SGK3: variants seen among roughly 807,000 people sequenced by gnomAD.
The protein encoded by SGK3 is serum/glucocorticoid regulated kinase family member 3.
A neutral mutation model predicts 68.5 loss-of-function variants in SGK3; 47 were observed. The ratio of observed to expected loss-of-function variants is 0.69; its 90% CI spans 0.54 to 0.87. The LOEUF (loss-of-function observed/expected upper bound fraction) is 0.87. Among genes scored for constraint, SGK3 ranks in the 40% least tolerant of loss-of-function variants. The pLI is 0.00. For missense variants in SGK3, 479 were observed against 575.5 expected (o/e 0.83, Z 1.72); for synonymous variants, 181 against 189.1 (o/e 0.96, Z 0.35).
At chr8:66,799,731 C>T (rs1304965969) in intron 3 of SGK3, among the ~76,000 whole-genome samples, 2 of 152,206 alleles carry the variant, frequency 1.3e-5, no homozygotes, top group East Asian at 1.9e-4. Context: ...AAGTGATTCT[C>T]GTGCCTCAGT....
chr8:66,823,539 A>G (rs1808932957), intron 6 of SGK3, among the ~76,000 whole-genome samples: 1 of 152,070 alleles, frequency 6.6e-6, no homozygotes, highest in Non-Finnish European at 1.5e-5. Flanking sequence ...CTGGGGCTAC[A>G]GGTGCCTGCC....
At chr8:66,832,182 G>A (rs1809329885) in intron 8 of SGK3, among the ~76,000 whole-genome samples, 1 of 152,094 alleles carries the variant, frequency 6.6e-6, no homozygotes, top group Non-Finnish European at 1.5e-5. Flanking sequence ...TTCTTATGGT[G>A]TCAGATGAAT....
intron 10 of SGK3, among the ~76,000 whole-genome samples, chr8:66,836,556 A>G (rs1809540546): frequency 6.6e-6 from 1 of 151,670 alleles, no homozygotes; most frequent in Non-Finnish European, 1.5e-5. Context: ...CAGAAGGATC[A>G]CTTGAGTCCA....
At chr8:66,838,440 G>T (rs1036179472) in intron 10 of SGK3, among the ~76,000 whole-genome samples, 1 of 152,156 alleles carries the variant, frequency 6.6e-6, no homozygotes, top group Non-Finnish European at 1.5e-5. Flanking sequence ...CGGTGTTCTA[G>T]TAAGTGTCAG....
intron 1 of SGK3, among the ~76,000 whole-genome samples, chr8:66,716,715 C>T (rs904572888): frequency 1.3e-5 from 2 of 152,134 alleles, no homozygotes; most frequent in Admixed American, 1.3e-4. Flanking sequence ...TGCAGTGCAG[C>T]TGTGCTTCTC....
Position 66,757,220 on chromosome 8 carries a change from C to T in SGK3, c.-121-36396C>T, listed in dbSNP as rs183911797. ...GATCATGGCTCACTGCAGCTTCAAC[C>T]TCCTTGGCTCAAGTGATCCTCCTCC... On this transcript the variant is annotated intron_variant, in intron 1 of 16. Coordinates refer to ENST00000521198, the MANE Select transcript of SGK3 (RefSeq NM_001033578.3). Among the ~76,000 whole-genome samples, 4 of 151,548 alleles carry T rather than the reference C, an allele frequency of 2.6e-5. No individual in the cohort carries two copies. The East Asian group carries it at 7.8e-4, about 30-fold the overall frequency.
chr8:66,735,613 A>G (rs1381184378), intron 1 of SGK3, among the ~76,000 whole-genome samples: 1 of 151,334 alleles, frequency 6.6e-6, no homozygotes, highest in Non-Finnish European at 1.5e-5. Flanking sequence ...TTTTTAATAG[A>G]CAGTATTAAA....
At chr8:66,829,225 T>G (rs533128443) in intron 7 of SGK3, among the ~76,000 whole-genome samples, 3 of 152,202 alleles carry the variant, frequency 2.0e-5, no homozygotes, top group Admixed American at 6.5e-5. Context: ...GCTAATTGAT[T>G]AGTAATGTCT....
In SGK3 at chr8:66,843,200, G is replaced by A. The variant is rs151008168; in HGVS notation, c.979-252G>A. 2.1e-4 allele frequency among the ~76,000 whole-genome samples: 32 copies of A among 152,230 alleles called. No homozygotes were observed. The East Asian group carries it at 3.5e-3, about 17-fold the overall frequency. ...TGGGAATTATAGATTCTACCTTCGC[G>A]ATACTCTTATTTATTTTAACTGTAT... On this transcript the variant is annotated intron_variant, in intron 13 of 16. Coordinates refer to ENST00000521198, the MANE Select transcript of SGK3 (RefSeq NM_001033578.3).
chr8:66,726,982 G>A (rs1236905869), intron 1 of SGK3, among the ~76,000 whole-genome samples: 1 of 151,972 alleles, frequency 6.6e-6, no homozygotes, highest in African/African-American at 2.4e-5. Flanking sequence ...ACCTAACAAT[G>A]ATAACCAGTA....
intron 1 of SGK3, among the ~76,000 whole-genome samples, chr8:66,740,169 G>A (rs183920850): frequency 1.3e-4 from 20 of 152,270 alleles, no homozygotes; most frequent in African/African-American, 3.9e-4. Context: ...TAGTCCATAA[G>A]GAAGTCTGCA....
chr8:66,733,023 C>G (rs1805214302), intron 1 of SGK3, among the ~76,000 whole-genome samples: 1 of 152,044 alleles, frequency 6.6e-6, no homozygotes, highest in Non-Finnish European at 1.5e-5. Context: ...GGGTATCAGT[C>G]AGAATGCAGA....
intron 1 of SGK3, among the ~76,000 whole-genome samples, chr8:66,742,151 G>A (rs542585444): frequency 5.1e-4 from 78 of 152,292 alleles, no homozygotes; most frequent in Non-Finnish European, 8.1e-4. Flanking sequence ...AGAGCTATCT[G>A]TATTACTGTA....
Position 66,835,778 on chromosome 8 carries a change from C to T in SGK3, c.541C>T (p.Arg181Trp), listed in dbSNP as rs760837872. 7.4e-6 allele frequency: 12 copies of T among 1,611,510 alleles called. No homozygotes were observed. Among genetic ancestry groups the T allele is most frequent in the African/African-American group, 4.0e-5 (3 of 74,734 alleles). ...ACTATAACAGGTTCTTCTTGCAAAA[C>T]GGAAACTGGATGGAAAATTTTATGC... ...GSFGKVLLAKRKLDGKFYAVK... is the reference protein window; with the variant it reads ...GSFGKVLLAKWKLDGKFYAVK... Residue 181 changes from arginine to tryptophan, a missense_variant, in exon 9 of 17, where the codon CGG (arginine) becomes TGG (tryptophan). Arg to Trp is a moderately radical substitution (Grantham distance 101). Coordinates refer to ENST00000521198, the MANE Select transcript of SGK3 (RefSeq NM_001033578.3).
At chr8:66,741,081 C>G (rs1805465966) in intron 1 of SGK3, among the ~76,000 whole-genome samples, 1 of 152,090 alleles carries the variant, frequency 6.6e-6, no homozygotes, top group South Asian at 2.1e-4. Flanking sequence ...AACTCCTAAC[C>G]TTGCCTTACT....
chr8:66,754,343 C>T (rs535273160), intron 1 of SGK3, among the ~76,000 whole-genome samples: 11 of 152,154 alleles, frequency 7.2e-5, no homozygotes, highest in East Asian at 1.9e-4. Context: ...ACCATTTTTA[C>T]GTTGCTAATT....
At chr8:66,782,937 AC>A (rs1402385676) in intron 1 of SGK3, among the ~76,000 whole-genome samples, 1 of 152,230 alleles carries the variant, frequency 6.6e-6, no homozygotes, top group Non-Finnish European at 1.5e-5. Flanking sequence ...GTTGCTAGAG[AC>A]ATCCATTTAC....
chr8:66,754,589 G>A (rs914385659), intron 1 of SGK3, among the ~76,000 whole-genome samples: 1 of 152,234 alleles, frequency 6.6e-6, no homozygotes, highest in African/African-American at 2.4e-5. Context: ...GTCTAAAGAC[G>A]AAATTCCCAT....
intron 1 of SGK3, among the ~76,000 whole-genome samples, chr8:66,751,842 C>T (rs573372911): frequency 1.4e-4 from 22 of 151,842 alleles, no homozygotes; most frequent in Non-Finnish European, 2.9e-4. Context: ...CTCGGCTCAC[C>T]GCAACCTCCG....
Sources: allele counts gnomAD v4.1 joint callset (sites outside exome capture counted in the v4.1 genomes callset), GRCh38; gene constraint gnomAD v4.1.1; transcripts MANE v1.5; gene names NCBI Gene and HGNC (gene_info 2026-07-23, HGNC 2026-07-21).